The following MTDH variants were observed in gnomAD, a reference collection of about 807,000 sequenced individuals.
MTDH encodes protein LYRIC.
MTDH carries 34 observed loss-of-function variants against 72.7 expected under a neutral mutation model. That is an observed-to-expected ratio of 0.47 (90% CI 0.36 to 0.62). The LOEUF (loss-of-function observed/expected upper bound fraction) is 0.62, where lower values mean the gene tolerates loss of function less well. Among genes scored for constraint, MTDH ranks in the 20% least tolerant of loss-of-function variants. MTDH has a pLI of 0.00. For missense variants in MTDH, 677 were observed against 699.4 expected, an observed-to-expected ratio of 0.97 and a Z score of 0.36; for synonymous variants, 266 against 268.9, an observed-to-expected ratio of 0.99 and a Z score of 0.10.
In MTDH at chr8:97,726,286, G is replaced by C. The variant is rs1815348161; in HGVS notation, c.*1616G>C. The C allele has an allele frequency of 6.6e-6, 1 of 152,582 alleles. No individual in the cohort carries two copies. The highest frequency in any genetic ancestry group is 1.5e-5 in the Non-Finnish European group (1 of 68,028). 9.5% of individuals were successfully genotyped at this position (152,582 alleles called of 1,614,324 possible). A position where few individuals can be genotyped will look rare whatever the true frequency, so the allele number is the denominator to read the frequency against. ...TTTAATTCTATGGTATTTCTAAATT[G>C]ACTTGTTTAAATAAATTCAGCAAAT... On this transcript the variant is annotated 3_prime_UTR_variant, in exon 12 of 12. Coordinates refer to ENST00000336273, the MANE Select transcript of MTDH (RefSeq NM_178812.4).
chr8:97,716,525 T>C lies in MTDH; in HGVS notation c.1381-2524T>C, dbSNP rs189789485. 2.6e-5 allele frequency among the ~76,000 whole-genome samples: 4 copies of C among 152,154 alleles called. No individual in the cohort carries two copies. In the East Asian group the frequency reaches 5.8e-4, roughly 22 times the overall value. On this transcript the variant is annotated intron_variant, in intron 9 of 11. Transcript: ENST00000336273. ...CAACATGGTGAAACCCCGTCTCTAC[T>C]GAAAATACAAAAATTAGCCGCACGT...
chr8:97,674,144 C>T (rs1377608414), intron 2 of MTDH, among the ~76,000 whole-genome samples: 2 of 152,064 alleles, frequency 1.3e-5, no homozygotes, highest in Non-Finnish European at 2.9e-5. Flanking sequence ...ACAACAGAGA[C>T]CCTGTCTCTG....
chr8:97,705,318 A>C (rs1457908570), intron 7 of MTDH, among the ~76,000 whole-genome samples: 1 of 150,574 alleles, frequency 6.6e-6, no homozygotes, highest in Non-Finnish European at 1.5e-5. Flanking sequence ...AGAATTGAGC[A>C]TTGCTGGGCG....
chr8:97,691,750 G>C (rs1172725113), intron 6 of MTDH, among the ~76,000 whole-genome samples: 1 of 152,012 alleles, frequency 6.6e-6, no homozygotes, highest in Admixed American at 6.6e-5. Flanking sequence ...CACATTACAT[G>C]TGGGCAATTG....
chr8:97,654,967 C>G (rs1324648582), intron 1 of MTDH, among the ~76,000 whole-genome samples: 1 of 152,012 alleles, frequency 6.6e-6, no homozygotes. Flanking sequence ...TGGTGTGTGC[C>G]TGTAGTCCCA....
At chr8:97,682,269 TATATA>T (rs1563542528) in intron 2 of MTDH, among the ~76,000 whole-genome samples, 1 of 9,114 alleles carries the variant, frequency 1.1e-4, no homozygotes, top group Non-Finnish European at 2.2e-4. Flanking sequence ...TATATATATA[TATATA>T]TATATATTTT....
chr8:97,717,590 T>C (rs1814924221), intron 9 of MTDH, among the ~76,000 whole-genome samples: 1 of 151,370 alleles, frequency 6.6e-6, no homozygotes, highest in Admixed American at 6.6e-5. Flanking sequence ...CGTTTGTTAG[T>C]GGTGATATTC....
intron 1 of MTDH, among the ~76,000 whole-genome samples, chr8:97,659,074 C>G (rs946836547): frequency 6.6e-6 from 1 of 151,398 alleles, no homozygotes; most frequent in Non-Finnish European, 1.5e-5. Flanking sequence ...ATCCAGGAGG[C>G]AGAGCTTGCA....
rs1815186906 is a variant in MTDH, at chr8:97,722,904, C to T, written c.1547C>T (p.Thr516Ile). 1.9e-6 allele frequency: 3 copies of T among 1,612,636 alleles called. No individual in the cohort carries two copies. Among genetic ancestry groups the T allele is most frequent in the African/African-American group, 2.7e-5 (2 of 74,894 alleles). The change falls in exon 11 of 12, where the codon ACT becomes ATT. Residue 516 changes from threonine to isoleucine, a missense_variant. Physicochemically the swap from Thr to Ile is moderately conservative, Grantham distance 89. Around this residue, in one of 3 missense-constraint regions of MTDH, gnomAD observed 201 missense variants for 204.5 expected, o/e 0.98. Transcript: ENST00000336273. ...SQPIKTLPPA[T>I]STEPSVILSK... ...CCTATCAAGACTCTTCCACCTGCTA[C>T]TTCTACCGAGCCATCTGTAATCTTA...
chr8:97,667,335 T>C (rs1812433654), intron 2 of MTDH, among the ~76,000 whole-genome samples: 1 of 152,264 alleles, frequency 6.6e-6, no homozygotes, highest in African/African-American at 2.4e-5. Flanking sequence ...TTGAGTGTCC[T>C]TAATGAAGCA....
chr8:97,673,881 A>G (rs1586227762), intron 2 of MTDH, among the ~76,000 whole-genome samples: 2 of 152,064 alleles, frequency 1.3e-5, no homozygotes, highest in South Asian at 2.1e-4. Flanking sequence ...AGGCTGAGGT[A>G]GGAGCATTGC....
intron 2 of MTDH, among the ~76,000 whole-genome samples, chr8:97,671,094 T>C (rs1812603528): frequency 6.6e-6 from 1 of 151,546 alleles, no homozygotes; most frequent in African/African-American, 2.4e-5. Context: ...GCCTCCCGAG[T>C]AGCTGGGACT....
At chr8:97,693,805 T>A (rs1057422074) in intron 6 of MTDH, among the ~76,000 whole-genome samples, 2 of 152,158 alleles carry the variant, frequency 1.3e-5, no homozygotes, top group African/African-American at 4.8e-5. Context: ...AGCCTCGACT[T>A]CCAGGGCTCA....
intron 2 of MTDH, among the ~76,000 whole-genome samples, chr8:97,668,162 C>T (rs1210588295): frequency 6.6e-6 from 1 of 152,070 alleles, no homozygotes; most frequent in Non-Finnish European, 1.5e-5. Context: ...TGGCAGGCGT[C>T]TGTAATCCCA....
intron 8 of MTDH, among the ~76,000 whole-genome samples, chr8:97,711,444 T>C (rs1814630366): frequency 2.0e-5 from 3 of 151,458 alleles, no homozygotes; most frequent in African/African-American, 7.3e-5. Flanking sequence ...ATTGCACCAC[T>C]GTACTCCAGC....
chr8:97,695,948 C>G (rs1233172656), intron 6 of MTDH, among the ~76,000 whole-genome samples: 1 of 152,206 alleles, frequency 6.6e-6, no homozygotes. Flanking sequence ...GCATTCGTGG[C>G]TCAGCTGTTT....
At chr8:97,666,248 C>T (rs1169397592) in intron 2 of MTDH, among the ~76,000 whole-genome samples, 4 of 152,096 alleles carry the variant, frequency 2.6e-5, no homozygotes, top group African/African-American at 7.2e-5. Flanking sequence ...ATGAAGTCAG[C>T]GATATCCACT....
rs1180798847 is a variant in MTDH, at chr8:97,661,183, G to A, written c.483+10G>A. On this transcript the variant is annotated intron_variant, in intron 2 of 11. Coordinates refer to ENST00000336273, the MANE Select transcript of MTDH (RefSeq NM_178812.4). The stretch of plus-strand genomic sequence containing the variant: ...CAAGAAAAATGAAAAGGTAAGTTTG[G>A]GAGCATATGAAATTGTATGCAAGAC... 3 of 1,590,994 alleles carry A rather than the reference G, an allele frequency of 1.9e-6. No individual in the cohort carries two copies. The highest frequency in any genetic ancestry group is 1.3e-5 in the African/African-American group (1 of 74,290).
At chr8:97,711,329 T>A in intron 8 of MTDH, among the ~76,000 whole-genome samples, 1 of 141,084 alleles carries the variant, frequency 7.1e-6, no homozygotes, top group Non-Finnish European at 1.5e-5. Context: ...CAAGACCCTA[T>A]CTCTAATTAA....
Sources: gnomAD v4.1 joint callset for allele counts (sites outside exome capture counted in the v4.1 genomes callset) on GRCh38, gnomAD v4.1.1 for gene constraint, gnomAD v4.1.1 regional missense constraint, MANE v1.5 for transcripts, NCBI Gene and HGNC (gene_info 2026-07-23, HGNC 2026-07-21) for gene names.